The following PTPRG variants were observed in gnomAD, a reference collection of about 807,000 sequenced individuals.
PTPRG encodes protein tyrosine phosphatase receptor type G, also known as receptor-type tyrosine-protein phosphatase gamma.
A neutral mutation model predicts 165.3 loss-of-function variants in PTPRG; 102 were observed. The ratio of observed to expected loss-of-function variants is 0.62; its 90% CI spans 0.53 to 0.73. The LOEUF (loss-of-function observed/expected upper bound fraction) is 0.73, where lower values mean the gene tolerates loss of function less well. PTPRG is among the 30% of genes least tolerant of loss of function. The pLI is 0.00. For missense variants in PTPRG, 1,866 were observed against 1,861.4 expected (o/e 1.00, Z -0.05); for synonymous variants, 675 against 669.5 (o/e 1.01, Z -0.13).
chr3:61,938,552 C>T lies in PTPRG; in HGVS notation c.191-51073C>T, dbSNP rs115505582. Among the ~76,000 whole-genome samples the T allele has an allele frequency of 3.2e-3, 493 of 152,212 alleles. 1 individual carries two copies. The highest frequency in any genetic ancestry group is 4.9e-3 in the Non-Finnish European group (336 of 68,006). ...CGTTCAGCCCTCTATGATGAATATC[C>T]CCGTGTTTGACACGTGTAAGTGTTC... On this transcript the variant is annotated intron_variant, in intron 2 of 29. Coordinates refer to ENST00000474889, the MANE Select transcript of PTPRG (RefSeq NM_002841.4).
At position 62,201,516 on chromosome 3, in the gene PTPRG, C is replaced by T; in HGVS notation, c.1339C>T (p.Arg447Ter). The T allele has an allele frequency of 1.2e-6, 2 of 1,609,690 alleles. No individual in the cohort carries two copies. The highest frequency in any genetic ancestry group is 1.7e-6 in the Non-Finnish European group (2 of 1,177,470). ...TCTTTGTTTCTCAGCTAATACCACT[C>T]GAATATTCCAAGGGACCAGAATAGT... ...QTMLFQANTT[R>*]IFQGTRIVKT... Residue 447 changes from arginine (R) to a stop codon, truncating the protein, a stop_gained, in exon 11 of 30, where the codon CGA becomes TGA. Transcript: ENST00000474889. LOFTEE classifies it high-confidence loss of function.
At chr3:62,272,559 T>A (rs2148874685) in intron 21 of PTPRG, among the ~76,000 whole-genome samples, 1 of 152,224 alleles carries the variant, frequency 6.6e-6, no homozygotes, top group South Asian at 2.1e-4. Flanking sequence ...TAAGTGGGGT[T>A]TAGGCTGGGA....
intron 2 of PTPRG, among the ~76,000 whole-genome samples, chr3:61,920,673 C>G (rs771280633): frequency 6.6e-6 from 1 of 152,282 alleles, no homozygotes; most frequent in Non-Finnish European, 1.5e-5. Context: ...GGATTACAGG[C>G]GTGAGCCACT....
chr3:62,097,940 C>T (rs559716336), intron 5 of PTPRG, among the ~76,000 whole-genome samples: 4 of 152,180 alleles, frequency 2.6e-5, no homozygotes, highest in East Asian at 3.9e-4. Flanking sequence ...GTTATTAAAG[C>T]GGCAAGTATG....
intron 2 of PTPRG, among the ~76,000 whole-genome samples, chr3:61,906,433 G>T (rs187654618): frequency 1.3e-5 from 2 of 151,258 alleles, no homozygotes; most frequent in Admixed American, 6.6e-5. Flanking sequence ...TCCAGCCCGG[G>T]TGACAATGCT....
intron 4 of PTPRG, among the ~76,000 whole-genome samples, chr3:62,017,477 G>T (rs2041573494): frequency 1.3e-5 from 2 of 151,370 alleles, no homozygotes; most frequent in South Asian, 2.1e-4. Context: ...GTGCAGTGGC[G>T]CTGTCTTGGC....
chr3:61,838,094 A>G (rs1351052266), intron 2 of PTPRG, among the ~76,000 whole-genome samples: 3 of 152,094 alleles, frequency 2.0e-5, no homozygotes, highest in Admixed American at 6.5e-5. Context: ...TAAGTTCACA[A>G]CACCGGGATG....
At chr3:61,681,967 T>C (rs2107120972) in intron 1 of PTPRG, among the ~76,000 whole-genome samples, 1 of 152,016 alleles carries the variant, frequency 6.6e-6, no homozygotes, top group East Asian at 1.9e-4. Flanking sequence ...CTGGCCAACA[T>C]AGTGAAAACT....
intron 2 of PTPRG, among the ~76,000 whole-genome samples, chr3:61,840,894 G>C (rs1351625871): frequency 6.8e-6 from 1 of 147,082 alleles, no homozygotes; most frequent in Non-Finnish European, 1.5e-5. Flanking sequence ...CAATTCTTCT[G>C]CCTCAGCCTC....
chr3:61,941,555 G>A (rs2039629138), intron 2 of PTPRG, among the ~76,000 whole-genome samples: 1 of 152,162 alleles, frequency 6.6e-6, no homozygotes, highest in South Asian at 2.1e-4. Flanking sequence ...CCCAGGAGGC[G>A]GAGGTTGCAG....
chr3:62,121,031 G>A (rs1440256226), intron 5 of PTPRG, among the ~76,000 whole-genome samples: 1 of 151,432 alleles, frequency 6.6e-6, no homozygotes, highest in Non-Finnish European at 1.5e-5. Context: ...TGCAAGCTGT[G>A]CCCCCCGGGT....
chr3:62,025,515 G>A (rs1395035673), intron 4 of PTPRG, among the ~76,000 whole-genome samples: 5 of 151,666 alleles, frequency 3.3e-5, no homozygotes, highest in Non-Finnish European at 7.4e-5. Flanking sequence ...TTTTTAAATT[G>A]CTTGATTAGG....
At chr3:62,265,711 A>G (rs1038767573) in intron 17 of PTPRG, among the ~76,000 whole-genome samples, 1 of 152,072 alleles carries the variant, frequency 6.6e-6, no homozygotes, top group Non-Finnish European at 1.5e-5. Context: ...CTTTGGCAGT[A>G]TTTGTTGGCC....
At chr3:61,939,737 A>G (rs528898131) in intron 2 of PTPRG, among the ~76,000 whole-genome samples, 29 of 152,264 alleles carry the variant, frequency 1.9e-4, no homozygotes, top group Admixed American at 5.9e-4. Flanking sequence ...GCAAAGCTAA[A>G]TAGGGAACTC....
At chr3:62,113,273 T>A (rs1274416804) in intron 5 of PTPRG, among the ~76,000 whole-genome samples, 1 of 151,944 alleles carries the variant, frequency 6.6e-6, no homozygotes. Flanking sequence ...CACAGAGGAG[T>A]CCAGCTGTGG....
intron 2 of PTPRG, among the ~76,000 whole-genome samples, chr3:61,885,658 T>TCCTCTCCTCTCCTCTCCC (rs2038009031): frequency 2.3e-4 from 2 of 8,612 alleles, no homozygotes; most frequent in Non-Finnish European, 4.5e-4. Flanking sequence ...CTTTTCCTTC[T>TCCTCTCCTCTCCTCTCCC]CTCCTCTCCT....
intron 27 of PTPRG, 25 bp from the exon 28 acceptor site, chr3:62,282,702 T>G (rs768168441): frequency 1.3e-6 from 2 of 1,592,310 alleles, no homozygotes; most frequent in East Asian, 4.5e-5. Flanking sequence ...AGGAAGGGAT[T>G]TGACCCATGT....
intron 20 of PTPRG, among the ~76,000 whole-genome samples, chr3:62,269,670 A>T (rs1243045143): frequency 6.6e-6 from 1 of 152,208 alleles, no homozygotes; most frequent in Admixed American, 6.5e-5. Flanking sequence ...ACTGGTGTTA[A>T]CAATAATACC....
At chr3:62,170,004 T>A (rs1042180812) in intron 8 of PTPRG, among the ~76,000 whole-genome samples, 1 of 151,834 alleles carries the variant, frequency 6.6e-6, no homozygotes, top group African/African-American at 2.4e-5. Context: ...GGAGAGGGAG[T>A]TTAAGAATGT....
Sources: gnomAD v4.1 joint callset for allele counts (sites outside exome capture counted in the v4.1 genomes callset) on GRCh38, gnomAD v4.1.1 for gene constraint, MANE v1.5 for transcripts, NCBI Gene and HGNC (gene_info 2026-07-23, HGNC 2026-07-21) for gene names.